PPFIBP2: variants seen among roughly 807,000 people sequenced by gnomAD.
PPFIBP2 encodes liprin-beta-2.
A neutral mutation model predicts 118.3 loss-of-function variants in PPFIBP2; 118 were observed. That is an observed-to-expected ratio of 1.00 (90% CI 0.86 to 1.16). The LOEUF (loss-of-function observed/expected upper bound fraction) is 1.16. Ranked by LOEUF, PPFIBP2 falls within the 50% of genes most tolerant of loss-of-function variation. The probability of loss-of-function intolerance (pLI) is 0.00; values close to 1 mark genes in which losing one functional copy is unlikely to be tolerated. For synonymous variants in PPFIBP2, 414 were observed against 397.4 expected (o/e 1.04, Z -0.50); for missense variants, 1,195 against 1,073.1 (o/e 1.11, Z -1.59).
intron 22 of PPFIBP2, chr11:7,651,176 C>T (rs1590817537): frequency 4.1e-6 from 2 of 491,336 alleles, no homozygotes; most frequent in African/African-American, 1.9e-5. Context: ...GCAGCACCTC[C>T]TTGGCATGAG....
chr11:7,624,566 A>T (rs1007713874), intron 7 of PPFIBP2, among the ~76,000 whole-genome samples: 9 of 152,160 alleles, frequency 5.9e-5, no homozygotes, highest in African/African-American at 2.2e-4. Context: ...GTGGGACATG[A>T]TTGGGCCAAC....
At chr11:7,642,141 C>T (rs767206881) in intron 16 of PPFIBP2, 157 bp from the exon 17 acceptor site, 16 of 843,372 alleles carry the variant, frequency 1.9e-5, no homozygotes, top group African/African-American at 5.1e-5. Flanking sequence ...CAAGGAGCTG[C>T]GACAGGTTGT....
chr11:7,592,875 A>G (rs1284024559), intron 3 of PPFIBP2, among the ~76,000 whole-genome samples: 1 of 152,176 alleles, frequency 6.6e-6, no homozygotes. Flanking sequence ...AGTTTCACAG[A>G]GGCCCTCCTG....
At chr11:7,565,407 A>T (rs1351830543) in intron 2 of PPFIBP2, 146 bp from the exon 3 acceptor site, 20 of 783,068 alleles carry the variant, frequency 2.6e-5, no homozygotes, top group Non-Finnish European at 4.1e-5. Flanking sequence ...AGTAGCTGAG[A>T]CTACAGGCGT....
chr11:7,598,266 G>C (rs1220235836), intron 5 of PPFIBP2: 1 of 317,500 alleles, frequency 3.1e-6, no homozygotes, highest in Non-Finnish European at 6.2e-6. Flanking sequence ...TTAGTCCTCA[G>C]ATTTTGTATG....
rs541843161 is a variant in PPFIBP2, at chr11:7,597,697, C to T, written c.486+24C>T. ...AGGTAAGGGCGGGTGCACTGAAGGC[C>T]CTTGGGTGCCGAAGCAGCTCATGTG... On this transcript the variant is annotated intron_variant, in intron 5 of 23. Transcript: ENST00000299492. 92 of 1,585,366 alleles carry T rather than the reference C, an allele frequency of 5.8e-5. 3 individuals carry two copies. In the South Asian group the frequency reaches 9.2e-4, roughly 16 times the overall value.
chr11:7,591,206 A>G (rs1425135333), intron 3 of PPFIBP2, among the ~76,000 whole-genome samples: 1 of 152,092 alleles, frequency 6.6e-6, no homozygotes, highest in Non-Finnish European at 1.5e-5. Flanking sequence ...CCATTTGAAT[A>G]AGGCATAGTT....
chr11:7,606,886 A>ATGTTTTTTTTT (rs1763557851), intron 5 of PPFIBP2, among the ~76,000 whole-genome samples: 1 of 51,352 alleles, frequency 1.9e-5, no homozygotes, highest in Non-Finnish European at 3.7e-5. Flanking sequence ...AACTGCATGA[A>ATGTTTTTTTTT]TTTTTTTTTT....
chr11:7,632,708 C>T, intron 11 of PPFIBP2, 159 bp from the exon 12 acceptor site: 1 of 587,718 alleles, frequency 1.7e-6, no homozygotes, highest in Non-Finnish European at 3.1e-6. Context: ...CACCCCCTTG[C>T]ATCTTGAAAG....
At chr11:7,570,189 GGT>G (rs1340418562) in intron 3 of PPFIBP2, among the ~76,000 whole-genome samples, 1 of 152,188 alleles carries the variant, frequency 6.6e-6, no homozygotes, top group African/African-American at 2.4e-5. Flanking sequence ...GGCTAGGTTG[GGT>G]GGTGGAAACC....
In PPFIBP2 at chr11:7,565,628, C is replaced by G. The variant is rs368767744; in HGVS notation, c.140C>G (p.Pro47Arg). ...GLASPASYMN[P>R]FPVLHLIEDL... is the part of the protein sequence containing the mutation. Reference sequence around the variant, plus strand: ...GCTTCCCCGGCCTCCTACATGAACCCCTTCCCGGTGCTCCATCTCATCGAG... The same window carrying G: ...GCTTCCCCGGCCTCCTACATGAACCGCTTCCCGGTGCTCCATCTCATCGAG... Residue 47 changes from proline (P) to arginine (R), a missense_variant, in exon 3 of 24, where the codon CCC (proline) becomes CGC (arginine). Coordinates refer to ENST00000299492, the MANE Select transcript of PPFIBP2 (RefSeq NM_003621.5). 34 of 1,614,084 alleles carry G rather than the reference C, an allele frequency of 2.1e-5. No homozygotes were observed. The highest frequency in any genetic ancestry group is 1.3e-4 in the East Asian group (6 of 44,894).
the PPFIBP2 span, chr11:7,666,570 G>T: frequency 5.7e-6 from 9 of 1,582,500 alleles, no homozygotes; most frequent in Admixed American, 1.3e-4. Flanking sequence ...AAGCAACACT[G>T]AAAAAGCCCC....
At chr11:7,666,630 T>C in the PPFIBP2 span, 4 of 1,043,374 alleles carry the variant, frequency 3.8e-6, no homozygotes, top group African/African-American at 1.6e-5. Context: ...GTCAGCATAC[T>C]CCTGGCCAAA....
chr11:7,615,690 C>T (rs1837929253), intron 6 of PPFIBP2, among the ~76,000 whole-genome samples: 1 of 152,156 alleles, frequency 6.6e-6, no homozygotes, highest in African/African-American at 2.4e-5. Context: ...AGGAAAACTG[C>T]CTTTCTAGCT....
the PPFIBP2 span, chr11:7,665,392 G>A: frequency 6.3e-7 from 1 of 1,586,286 alleles, no homozygotes; most frequent in African/African-American, 1.4e-5. Context: ...TGAAAATCAT[G>A]TCCTGGGTAT....
intron 6 of PPFIBP2, 47 bp from the exon 7 acceptor site, chr11:7,620,888 C>T (rs1487637224): frequency 7.2e-7 from 1 of 1,388,398 alleles, no homozygotes; most frequent in South Asian, 1.2e-5. Context: ...AAATCAAGAG[C>T]ACATCTTTTA....
intron 2 of PPFIBP2, among the ~76,000 whole-genome samples, chr11:7,551,371 C>T (rs1852977160): frequency 6.6e-6 from 1 of 152,146 alleles, no homozygotes; most frequent in African/African-American, 2.4e-5. Context: ...TATCTTTTCT[C>T]TACGTATTAT....
chr11:7,535,705 T>A (rs960214696), intron 1 of PPFIBP2, among the ~76,000 whole-genome samples: 2 of 152,222 alleles, frequency 1.3e-5, no homozygotes, highest in Non-Finnish European at 2.9e-5. Flanking sequence ...GGATGCCAGC[T>A]CATGCGTTCA....
chr11:7,590,980 C>T (rs1330642277), intron 3 of PPFIBP2, among the ~76,000 whole-genome samples: 1 of 152,122 alleles, frequency 6.6e-6, no homozygotes, highest in Non-Finnish European at 1.5e-5. Flanking sequence ...ATCCTGTTAA[C>T]TGATTGTGCC....
Sources: gnomAD v4.1 joint callset for allele counts (sites outside exome capture counted in the v4.1 genomes callset) on GRCh38, gnomAD v4.1.1 for gene constraint, MANE v1.5 for transcripts, NCBI Gene and HGNC (gene_info 2026-07-23, HGNC 2026-07-21) for gene names.